Variants in MYLK observed in about 807,000 individuals in gnomAD.
MYLK encodes myosin light chain kinase, also known as myosin light chain kinase, smooth muscle.
Under a neutral mutation model 203.4 loss-of-function variants are expected in MYLK, and 106 were observed. The observed-to-expected ratio is 0.52, with a 90% confidence interval of 0.45 to 0.61. The LOEUF is 0.61. Among genes scored for constraint, MYLK ranks in the 20% least tolerant of loss-of-function variants. The pLI is 0.00. For missense variants in MYLK, 2,072 were observed against 2,442.3 expected, an observed-to-expected ratio of 0.85 and a Z score of 3.20; for synonymous variants, 867 against 959.5, an observed-to-expected ratio of 0.90 and a Z score of 1.78.
intron 2 of MYLK, among the ~76,000 whole-genome samples, chr3:123,847,593 T>C (rs1226308964): frequency 6.6e-6 from 1 of 152,138 alleles, no homozygotes; most frequent in African/African-American, 2.4e-5. Flanking sequence ...CTTCTATTCT[T>C]AGTTTTCTGA....
intron 4 of MYLK, among the ~76,000 whole-genome samples, chr3:123,784,923 G>A (rs1447703078): frequency 6.6e-6 from 1 of 152,198 alleles, no homozygotes; most frequent in Non-Finnish European, 1.5e-5. Context: ...TGGAGCAAGT[G>A]GGCAGATGAT....
chr3:123,847,156 T>G (rs1001448953), intron 2 of MYLK, among the ~76,000 whole-genome samples: 1 of 152,144 alleles, frequency 6.6e-6, no homozygotes, highest in Non-Finnish European at 1.5e-5. Flanking sequence ...TTACATAGTA[T>G]TGGGTATTAC....
chr3:123,779,838 A>C (rs192464516), intron 4 of MYLK, among the ~76,000 whole-genome samples: 2 of 152,198 alleles, frequency 1.3e-5, no homozygotes, highest in African/African-American at 4.8e-5. Flanking sequence ...ACATCAGAAC[A>C]CACTTCCTCA....
chr3:123,687,378 G>A (rs1213608697), intron 19 of MYLK, among the ~76,000 whole-genome samples: 2 of 152,170 alleles, frequency 1.3e-5, no homozygotes, highest in Non-Finnish European at 2.9e-5. Context: ...TAGGCACCAA[G>A]GCTTGGGTTT....
chr3:123,664,587 C>G (rs1317288905), intron 22 of MYLK, among the ~76,000 whole-genome samples: 1 of 152,212 alleles, frequency 6.6e-6, no homozygotes, highest in African/African-American at 2.4e-5. Context: ...GAGAACACAT[C>G]TCAGCAAAGT....
chr3:123,722,906 T>C (rs564465830), intron 12 of MYLK, among the ~76,000 whole-genome samples: 1 of 151,568 alleles, frequency 6.6e-6, no homozygotes, highest in African/African-American at 2.4e-5. Flanking sequence ...GAACTAAAAA[T>C]GACTCGGCTC....
At chr3:123,672,336 A>G (rs2059942702) in intron 20 of MYLK, among the ~76,000 whole-genome samples, 1 of 152,094 alleles carries the variant, frequency 6.6e-6, no homozygotes, top group South Asian at 2.1e-4. Context: ...ACACAGGGGA[A>G]AGACTGCCAT....
At chr3:123,701,325 G>A in intron 17 of MYLK, 113 bp downstream of exon 17, 3 of 1,141,852 alleles carry the variant, frequency 2.6e-6, no homozygotes, top group Non-Finnish European at 3.9e-6. Flanking sequence ...GGCTTTGGCA[G>A]CCTCAGCTGC....
Position 123,667,154 on chromosome 3 carries a change from T to C in MYLK, c.3686A>G (p.Lys1229Arg), listed in dbSNP as rs773569660. Residue 1229 changes from lysine to arginine, a missense_variant, in exon 21 of 34, where the codon AAG (lysine) becomes AGG (arginine). Coordinates refer to ENST00000360304, the MANE Select transcript of MYLK (RefSeq NM_053025.4). Reference protein sequence around the residue: ...DATVKKKPAPKTPPKAAMPPQ... With the variant: ...DATVKKKPAPRTPPKAAMPPQ... Reference sequence around the variant, plus strand: ...CCAATTACCTGCCTTCGGAGGTGTCTTGGGGGCAGGTTTCTTTTTCACAGT... The same window carrying C: ...CCAATTACCTGCCTTCGGAGGTGTCCTGGGGGCAGGTTTCTTTTTCACAGT... 3.7e-6 allele frequency: 6 copies of C among 1,614,168 alleles called. No homozygotes were observed. In the Admixed American group the frequency reaches 8.3e-5, roughly 22 times the overall value.
chr3:123,685,932 C>A (rs2060437180), intron 19 of MYLK, among the ~76,000 whole-genome samples: 2 of 152,168 alleles, frequency 1.3e-5, no homozygotes, highest in South Asian at 4.1e-4. Flanking sequence ...AGACTCGGAG[C>A]CCCAGGGGGT....
rs1240163494 is a variant in MYLK, at chr3:123,610,351, A to G, written c.*3754T>C. The G allele has an allele frequency of 6.6e-6, 1 of 152,172 alleles. No individual in the cohort carries two copies. Among genetic ancestry groups the G allele is most frequent in the East Asian group, 1.9e-4 (1 of 5,200 alleles). The allele number at this position is 152,172 out of a possible 1,614,324, so 9.4% of individuals were successfully genotyped here. On this transcript the variant is annotated 3_prime_UTR_variant, in exon 34 of 34. Transcript: ENST00000360304. The stretch of plus-strand genomic sequence containing the variant: ...TCTAGGTTATGTTGCAGCCACTGAG[A>G]ACCCCAAAATCTTGGTGATTTATAA...
chr3:123,641,558 G>A (rs895976695), intron 27 of MYLK, among the ~76,000 whole-genome samples: 4 of 151,794 alleles, frequency 2.6e-5, no homozygotes, highest in African/African-American at 7.3e-5. Context: ...GAAAGGAAAG[G>A]AAGGAGGAGG....
chr3:123,784,043 C>A (rs2064404780), intron 4 of MYLK, among the ~76,000 whole-genome samples: 1 of 152,224 alleles, frequency 6.6e-6, no homozygotes. Context: ...CCTTCCTGTC[C>A]ATTTCCTGCT....
Position 123,725,795 on chromosome 3 carries a change from A to G in MYLK, c.1651+149T>C. 2.6e-6 allele frequency: 3 copies of G among 1,175,934 alleles called. No homozygotes were observed. In the Admixed American group the frequency reaches 7.7e-5, roughly 30 times the overall value. 72.8% of individuals were successfully genotyped at this position (1,175,934 alleles called of 1,614,324 possible). Reference sequence around the variant, plus strand: ...CTCAGCCAGTCGGGAGCAGGATCCCAGTGCCCGTGCTCTCTTTGTGCCCTG... The same window carrying G: ...CTCAGCCAGTCGGGAGCAGGATCCCGGTGCCCGTGCTCTCTTTGTGCCCTG... On this transcript the variant is annotated intron_variant, in intron 12 of 33. Coordinates refer to ENST00000360304, the MANE Select transcript of MYLK (RefSeq NM_053025.4).
At chr3:123,626,785 C>A (rs1453495445) in intron 31 of MYLK, 33 bp downstream of exon 31, 2 of 1,613,762 alleles carry the variant, frequency 1.2e-6, no homozygotes, top group Non-Finnish European at 1.7e-6. Context: ...ATATGAGGGG[C>A]AACATCCCAG....
chr3:123,683,424 G>A (rs1460790307), intron 19 of MYLK, among the ~76,000 whole-genome samples: 2 of 152,134 alleles, frequency 1.3e-5, no homozygotes, highest in Non-Finnish European at 1.5e-5. Flanking sequence ...CTGGGCTCCT[G>A]GGGCTCTGAG....
Position 123,820,644 on chromosome 3 carries a change from C to CCTTCCTTCCTTCCT in MYLK, c.-4+10903_-4+10904insAGGAAGGAAGGAAG, listed in dbSNP as rs1560259887. ...CTTCCTTCCTTCCTTCCTTCCTTCCCTCCTTCCTTCCTTCCTTCCCTCCTT... is the reference window on the plus strand; with the variant it reads ...CTTCCTTCCTTCCTTCCTTCCTTCCCCTTCCTTCCTTCCTTCCTTCCTTCCTTCCTTCCCTCCTT... On this transcript the variant is annotated intron_variant, in intron 3 of 33. Coordinates refer to ENST00000360304, the MANE Select transcript of MYLK (RefSeq NM_053025.4). Among the ~76,000 whole-genome samples, 5 of 26,108 alleles carry CCTTCCTTCCTTCCT rather than the reference C, an allele frequency of 1.9e-4. No homozygotes were observed. In the East Asian group the frequency reaches 3.5e-3, roughly 18 times the overall value. The allele number at this position is 26,108 out of a possible 152,430, so 17.1% of individuals were successfully genotyped here. A position where few individuals can be genotyped will look rare whatever the true frequency, so the allele number is the denominator to read the frequency against.
chr3:123,778,091 G>A (rs2064144142), intron 4 of MYLK, among the ~76,000 whole-genome samples: 1 of 151,960 alleles, frequency 6.6e-6, no homozygotes, highest in East Asian at 1.9e-4. Context: ...AAGATTCTAA[G>A]CATTATAAAA....
chr3:123,620,743 G>T (rs2057810746), intron 31 of MYLK: 2 of 600,238 alleles, frequency 3.3e-6, no homozygotes, highest in Non-Finnish European at 4.3e-6. Flanking sequence ...CCAGTGATGT[G>T]ATTATAATTG....
Sources: gnomAD v4.1 joint callset for allele counts (sites outside exome capture counted in the v4.1 genomes callset) on GRCh38, gnomAD v4.1.1 for gene constraint, MANE v1.5 for transcripts, NCBI Gene and HGNC (gene_info 2026-07-23, HGNC 2026-07-21) for gene names.